USP9Y: variants seen among roughly 807,000 people sequenced by gnomAD.
The protein encoded by USP9Y is ubiquitin specific peptidase 9 Y-linked, also known as ubiquitin carboxyl-terminal hydrolase 9Y.
A neutral mutation model predicts 53.1 loss-of-function variants in USP9Y; 41 were observed. The ratio of observed to expected loss-of-function variants is 0.77; its 90% CI spans 0.60 to 1.00. The LOEUF (loss-of-function observed/expected upper bound fraction) is 1.00. USP9Y is among the 50% of genes least tolerant of loss of function. The pLI is 0.00. For synonymous variants in USP9Y, 220 were observed against 173.7 expected, an observed-to-expected ratio of 1.27 and a Z score of -2.09; for missense variants, 567 against 535.8, an observed-to-expected ratio of 1.06 and a Z score of -0.58.
At position 12,757,368 on chromosome Y, in the gene USP9Y, C is replaced by A. The variant is rs2053469776; in HGVS notation, c.1599C>A (p.His533Gln). Residue 533 changes from histidine (H) to glutamine (Q), a missense_variant, in exon 13 of 46, where the codon CAC becomes CAA. Physicochemically the swap from His to Gln is conservative, Grantham distance 24 (BLOSUM62 0). Coordinates refer to ENST00000338981, the MANE Select transcript of USP9Y (RefSeq NM_004654.4). ...VDIMDLALSA[H>Q]IKILDYSCSQ... ...TCATGGACCTTGCTCTTAGTGCCCA[C>A]ATAAAAATACTAGATTATAGTTGTT... 1 of 396,138 alleles carries A rather than the reference C, an allele frequency of 2.5e-6. No homozygotes were observed. Among genetic ancestry groups the A allele is most frequent in the Non-Finnish European group, 3.5e-6 (1 of 282,784 alleles).
intron 27 of USP9Y, among the ~76,000 whole-genome samples, chrY:12,806,594 T>A (rs2053524645): frequency 2.9e-5 from 1 of 34,203 alleles, no homozygotes; most frequent in African/African-American, 1.1e-4. Flanking sequence ...AGTAACGCAT[T>A]CCGTTAGCTT....
intron 12 of USP9Y, among the ~76,000 whole-genome samples, chrY:12,754,846 A>G (rs2053466865): frequency 3.1e-5 from 1 of 32,587 alleles, no homozygotes; most frequent in Non-Finnish European, 7.5e-5. Context: ...TATTTTTGCA[A>G]ATTTTCTGTG....
intron 27 of USP9Y, among the ~76,000 whole-genome samples, chrY:12,800,262 A>C: frequency 6.0e-5 from 2 of 33,478 alleles, no homozygotes; most frequent in Non-Finnish European, 1.5e-4. Flanking sequence ...GCATGGCCCA[A>C]GGTTCCATTC....
chrY:12,709,609 A>G, intron 3 of USP9Y, 66 bp downstream of exon 3: 2 of 260,262 alleles, frequency 7.7e-6, no homozygotes, highest in South Asian at 3.5e-5. Flanking sequence ...GTCCTGAATG[A>G]TTTGTAAAGT....
intron 27 of USP9Y, among the ~76,000 whole-genome samples, chrY:12,806,246 T>C (rs2053524356): frequency 3.0e-5 from 1 of 33,522 alleles, no homozygotes; most frequent in Non-Finnish European, 7.4e-5. Context: ...AAACTTAAAA[T>C]AGCCTACTTT....
At chrY:12,737,996 C>T in intron 10 of USP9Y, among the ~76,000 whole-genome samples, 161 bp from the exon 11 acceptor site, 1 of 33,776 alleles carries the variant, frequency 3.0e-5, no homozygotes. Context: ...TAACACAACA[C>T]TTAAATGTTA....
At chrY:12,848,551 G>A (rs2053569175) in intron 42 of USP9Y, among the ~76,000 whole-genome samples, 1 of 33,449 alleles carries the variant, frequency 3.0e-5, no homozygotes, top group African/African-American at 1.2e-4. Flanking sequence ...CTCCTGAATG[G>A]TATTGCCTAG....
chrY:12,810,844 T>A, intron 29 of USP9Y, 26 bp downstream of exon 29: 1 of 387,676 alleles, frequency 2.6e-6, no homozygotes, highest in Non-Finnish European at 3.6e-6. Context: ...TTTAGTTTAT[T>A]ATGTCATGAC....
intron 5 of USP9Y, among the ~76,000 whole-genome samples, chrY:12,722,931 A>G: frequency 3.2e-5 from 1 of 31,627 alleles, no homozygotes; most frequent in African/African-American, 1.2e-4. Flanking sequence ...CAGTGGCGTG[A>G]TATCAGCTCA....
intron 3 of USP9Y, among the ~76,000 whole-genome samples, chrY:12,713,359 ATTATGTC>A (rs2148279243): frequency 3.1e-5 from 1 of 32,228 alleles, no homozygotes; most frequent in African/African-American, 1.2e-4. Context: ...TAAAGAAACC[ATTATGTC>A]TTAGATCATT....
In USP9Y at chrY:12,786,525, G is replaced by A; in HGVS notation, c.3286G>A (p.Val1096Ile). ...CCTTTTTTTTTTTTTTTTCCAGGTA[G>A]TTTATGCCTTGTTAATGCCTGCTGG... is the stretch of plus-strand genomic sequence containing the variant. ...ASQVLYLTEVVYALLMPAGVP... is the reference protein window; with the variant it reads ...ASQVLYLTEVIYALLMPAGVP... Residue 1096 changes from valine to isoleucine, a missense_variant, in exon 24 of 46, where the codon GTT becomes ATT. Val to Ile is a conservative substitution (Grantham distance 29, BLOSUM62 3). Transcript: ENST00000338981. 1.1e-5 allele frequency: 4 copies of A among 366,168 alleles called. No individual in the cohort carries two copies. The highest frequency in any genetic ancestry group is 1.5e-5 in the Non-Finnish European group (4 of 265,983). The allele number at this position is 366,168 out of a possible 400,897, so 91.3% of individuals were successfully genotyped here. A position where few individuals can be genotyped will look rare whatever the true frequency, so the allele number is the denominator to read the frequency against.
At chrY:12,766,803 C>G in intron 15 of USP9Y, among the ~76,000 whole-genome samples, 1 of 33,458 alleles carries the variant, frequency 3.0e-5, no homozygotes, top group South Asian at 6.7e-4. Context: ...GGGAACTCAA[C>G]TGCTGCCTCT....
intron 11 of USP9Y, among the ~76,000 whole-genome samples, chrY:12,738,918 T>C: frequency 3.0e-5 from 1 of 33,602 alleles, no homozygotes; most frequent in South Asian, 6.7e-4. Context: ...GGATAAAGAA[T>C]CTATATTTGG....
intron 44 of USP9Y, chrY:12,857,069 G>A: frequency 8.6e-6 from 1 of 116,899 alleles, no homozygotes; most frequent in Non-Finnish European, 1.6e-5. Flanking sequence ...ATACCTGAGA[G>A]AATTCAGATA....
intron 45 of USP9Y, 94 bp from the exon 46 acceptor site, chrY:12,859,185 G>A (rs1603204621): frequency 4.2e-6 from 1 of 237,298 alleles, no homozygotes; most frequent in Non-Finnish European, 6.4e-6. Context: ...GTTTAAAAAT[G>A]TCTACTTTTT....
In USP9Y at chrY:12,813,042, A is replaced by G. The variant is rs768110905; in HGVS notation, c.4599A>G (p.Thr1533=). ...TGACTGAAATGTATTACATGGGCAC[A>G]GCAATTACTAGTGAGTATTTTAAAT... The part of the protein sequence containing the change: ...DCLTEMYYMG[T]AITTCEALTE... Residue 1533 remains threonine, a synonymous_variant, in exon 31 of 46, where the codon ACA becomes ACG. Transcript: ENST00000338981. 1 of 387,483 alleles carries G rather than the reference A, an allele frequency of 2.6e-6. No homozygotes were observed. Among genetic ancestry groups the G allele is most frequent in the South Asian group, 3.0e-5 (1 of 33,456 alleles).
chrY:12,769,830 A>G (rs2053484105), intron 15 of USP9Y, among the ~76,000 whole-genome samples: 1 of 31,920 alleles, frequency 3.1e-5, no homozygotes, highest in Admixed American at 2.9e-4. Context: ...ATCTTGCTCT[A>G]TCACCTAGGC....
At chrY:12,849,424 T>G (rs2053570085) in intron 42 of USP9Y, among the ~76,000 whole-genome samples, 1 of 32,788 alleles carries the variant, frequency 3.0e-5, no homozygotes, top group Non-Finnish European at 7.5e-5. Context: ...ATTTCCTAAT[T>G]GAATATCCTT....
At chrY:12,841,196 G>A in intron 37 of USP9Y, 63 bp downstream of exon 37, 1 of 324,924 alleles carries the variant, frequency 3.1e-6, no homozygotes, top group South Asian at 3.7e-5. Context: ...ATTTTTTCCT[G>A]TTTTATTTTT....
Sources: gnomAD v4.1 joint callset for allele counts (sites outside exome capture counted in the v4.1 genomes callset) on GRCh38, gnomAD v4.1.1 for gene constraint, MANE v1.5 for transcripts, NCBI Gene and HGNC (gene_info 2026-07-23, HGNC 2026-07-21) for gene names.